Variants in LRRC7 observed in about 807,000 individuals in gnomAD.
The protein encoded by LRRC7 is leucine-rich repeat-containing protein 7.
LRRC7 carries 23 observed loss-of-function variants against 175.7 expected under a neutral mutation model. The observed-to-expected ratio is 0.13, with a 90% CI of 0.09 to 0.19. The LOEUF (loss-of-function observed/expected upper bound fraction) is 0.19. LRRC7 is among the 10% of genes least tolerant of loss of function. The probability of loss-of-function intolerance (pLI) is 1.00; values close to 1 mark genes in which losing one functional copy is unlikely to be tolerated. For missense variants in LRRC7, 1,354 were observed against 1,904.7 expected, an observed-to-expected ratio of 0.71 and a Z score of 5.38; for synonymous variants, 685 against 680.9, an observed-to-expected ratio of 1.01 and a Z score of -0.09.
intron 7 of LRRC7, among the ~76,000 whole-genome samples, chr1:69,926,060 C>T (rs1335831589): frequency 2.0e-5 from 3 of 151,774 alleles, no homozygotes; most frequent in Admixed American, 1.3e-4. Context: ...TGTTATGTAC[C>T]CAGTAGTTAT....
intron 1 of LRRC7, among the ~76,000 whole-genome samples, chr1:69,630,528 A>G (rs1652322976): frequency 6.6e-6 from 1 of 152,112 alleles, no homozygotes; most frequent in Non-Finnish European, 1.5e-5. Flanking sequence ...TATTTAATCT[A>G]AAATCTAAAT....
chr1:69,967,646 C>G (rs1024859211), intron 8 of LRRC7, among the ~76,000 whole-genome samples: 2 of 152,172 alleles, frequency 1.3e-5, no homozygotes, highest in Admixed American at 6.5e-5. Context: ...CAGACAACCC[C>G]CAGTCCCAGC....
At chr1:69,721,695 G>T (rs903903610) in intron 2 of LRRC7, among the ~76,000 whole-genome samples, 3 of 151,522 alleles carry the variant, frequency 2.0e-5, no homozygotes, top group African/African-American at 7.3e-5. Flanking sequence ...TTACTATCCT[G>T]TTTTCAATTT....
intron 1 of LRRC7, among the ~76,000 whole-genome samples, chr1:69,589,850 T>C (rs1000381128): frequency 3.3e-5 from 5 of 152,176 alleles, no homozygotes; most frequent in African/African-American, 1.2e-4. Context: ...TCACAATCTA[T>C]ACCTATTTCT....
intron 5 of LRRC7, among the ~76,000 whole-genome samples, chr1:69,831,266 A>G (rs149608215): frequency 8.7e-4 from 132 of 152,152 alleles, no homozygotes; most frequent in African/African-American, 3.0e-3. Context: ...ATATGTAAGT[A>G]GTTGTTTTGA....
At chr1:69,966,690 G>A (rs1319734958) in intron 8 of LRRC7, among the ~76,000 whole-genome samples, 1 of 152,172 alleles carries the variant, frequency 6.6e-6, no homozygotes, top group Non-Finnish European at 1.5e-5. Context: ...GAGATTGTCC[G>A]CCCCGAGCAC....
chr1:69,631,025 A>AT (rs202188664), intron 1 of LRRC7, among the ~76,000 whole-genome samples: 126 of 150,134 alleles, frequency 8.4e-4, no homozygotes, highest in Middle Eastern at 3.4e-3. Context: ...TCTTTTTTTC[A>AT]TTTTTTTTTA....
chr1:69,877,707 C>A (rs377040063), intron 7 of LRRC7, among the ~76,000 whole-genome samples: 6 of 152,094 alleles, frequency 3.9e-5, no homozygotes, highest in African/African-American at 1.4e-4. Context: ...TACTAAACTG[C>A]TTTCTGTCTT....
chr1:70,037,988 TAAGTC>T lies in LRRC7; in HGVS notation c.2289-123_2289-119del. ...TGAAATAATAATACTATCTTAATCA[TAAGTC>T]AGGTGAGGATTATTGATCAGTTAAA... On this transcript the variant is annotated intron_variant, in intron 20 of 26. Coordinates refer to ENST00000651989, the MANE Select transcript of LRRC7 (RefSeq NM_001370785.2). The T allele has an allele frequency of 6.4e-6, 8 of 1,241,282 alleles. No individual in the cohort carries two copies. In the East Asian group the frequency reaches 1.7e-4, roughly 26 times the overall value. The allele number at this position is 1,241,282 out of a possible 1,614,324, so 76.9% of individuals were successfully genotyped here.
At position 70,125,758 on chromosome 1, in the gene LRRC7, C is replaced by G. The variant is rs1311122168; in HGVS notation, c.*3871C>G. ...AGTGAGCCGAGATCCCGCCACTGCA[C>G]TCCAGCCTGGGCGACAGAGCGAGAC... On this transcript the variant is annotated 3_prime_UTR_variant, in exon 27 of 27. Coordinates refer to ENST00000651989, the MANE Select transcript of LRRC7 (RefSeq NM_001370785.2). Among the ~76,000 whole-genome samples, 1 of 125,898 alleles carries G rather than the reference C, an allele frequency of 7.9e-6. No homozygotes were observed. The highest frequency in any genetic ancestry group is 1.6e-5 in the Non-Finnish European group (1 of 63,072). The allele number at this position is 125,898 out of a possible 152,430, so 82.6% of individuals were successfully genotyped here.
intron 11 of LRRC7, among the ~76,000 whole-genome samples, chr1:70,010,579 A>T (rs1307135777): frequency 6.6e-6 from 1 of 152,184 alleles, no homozygotes; most frequent in Non-Finnish European, 1.5e-5. Flanking sequence ...AAAGAAAAAA[A>T]AAGGATTCTA....
chr1:70,117,122 A>G (rs950070949), intron 26 of LRRC7, among the ~76,000 whole-genome samples: 3 of 152,208 alleles, frequency 2.0e-5, no homozygotes, highest in African/African-American at 7.2e-5. Flanking sequence ...ATTTAAATCA[A>G]CCAGAAATCA....
At chr1:69,883,235 G>A (rs61782577) in intron 7 of LRRC7, among the ~76,000 whole-genome samples, 20,197 of 147,760 alleles carry the variant, frequency 0.14, 2,032 homozygotes, top group African/African-American at 0.29. Context: ...CACCAACAGT[G>A]TAAAAGTGTT....
chr1:69,955,874 G>T lies in LRRC7; in HGVS notation c.711+24304G>T, dbSNP rs559515266. ...CAGCAGCAATTAGCCCTCAAATGAG[G>T]GTTAATAACAAAATCAACACAGTAT... On this transcript the variant is annotated intron_variant, in intron 8 of 26. Transcript: ENST00000651989. Among the ~76,000 whole-genome samples, 6 of 151,824 alleles carry T rather than the reference G, an allele frequency of 4.0e-5. No individual in the cohort carries two copies. The East Asian group carries it at 1.2e-3, about 29-fold the overall frequency.
chr1:69,906,073 T>G (rs1459994598), intron 7 of LRRC7, among the ~76,000 whole-genome samples: 1 of 152,242 alleles, frequency 6.6e-6, no homozygotes, highest in Non-Finnish European at 1.5e-5. Context: ...GAAGTGTCTG[T>G]TCATATCATT....
chr1:70,044,066 T>C lies in LRRC7; in HGVS notation c.4082T>C (p.Phe1361Ser). 6.2e-7 allele frequency: 1 copy of C among 1,613,340 alleles called. No homozygotes were observed. Among genetic ancestry groups the C allele is most frequent in the Non-Finnish European group, 8.5e-7 (1 of 1,179,560 alleles). ...MTLNLQTKSK[F>S]DHQELPLQKT... is the part of the protein sequence containing the mutation. ...TTAAACTTGCAGACTAAGTCTAAAT[T>C]TGATCATCAAGAACTACCTCTTCAG... The change falls in exon 22 of 27, where the codon TTT becomes TCT. Residue 1361 changes from phenylalanine to serine, a missense_variant. Physicochemically the swap from Phe to Ser is radical, Grantham distance 155. Around this residue, in one of 4 missense-constraint regions of LRRC7, gnomAD observed 1,032 missense variants for 1,227.2 expected, o/e 0.84. Coordinates refer to ENST00000651989, the MANE Select transcript of LRRC7 (RefSeq NM_001370785.2).
intron 11 of LRRC7, among the ~76,000 whole-genome samples, chr1:70,004,626 C>T (rs1184110243): frequency 6.6e-6 from 1 of 152,086 alleles, no homozygotes; most frequent in Non-Finnish European, 1.5e-5. Flanking sequence ...AGCTGCCTAG[C>T]TGCAGTTGGG....
At chr1:69,838,170 T>G in intron 6 of LRRC7, 57 bp from the exon 7 acceptor site, 4 of 1,203,064 alleles carry the variant, frequency 3.3e-6, no homozygotes, top group Non-Finnish European at 4.9e-6. Flanking sequence ...TAGATCTTAT[T>G]CAATAATTTT....
At chr1:69,924,181 T>C (rs1430235939) in intron 7 of LRRC7, among the ~76,000 whole-genome samples, 8 of 152,194 alleles carry the variant, frequency 5.3e-5, no homozygotes, top group African/African-American at 1.7e-4. Flanking sequence ...TTGGTACCAG[T>C]ACCATGCTGT....
Sources: gnomAD v4.1 joint callset for allele counts (sites outside exome capture counted in the v4.1 genomes callset) on GRCh38, gnomAD v4.1.1 for gene constraint, gnomAD v4.1.1 regional missense constraint, MANE v1.5 for transcripts, NCBI Gene and HGNC (gene_info 2026-07-23, HGNC 2026-07-21) for gene names.